The following AFG2A variants were observed in gnomAD, a reference collection of about 807,000 sequenced individuals.
AFG2A encodes ATPase family gene 2 protein homolog A.
At chr4:123,197,805 A>G in the AFG2A span, among the ~76,000 whole-genome samples, 1 of 151,596 alleles carries the variant, frequency 6.6e-6, no homozygotes, top group Non-Finnish European at 1.5e-5. Context: ...AAGCATACAT[A>G]CTTTACCTTC....
chr4:123,024,969 T>C, the AFG2A span, among the ~76,000 whole-genome samples: 7 of 152,040 alleles, frequency 4.6e-5, no homozygotes. Flanking sequence ...ACCTTTTTTC[T>C]TGGAAGGGAG....
chr4:123,209,335 G>C, the AFG2A span, among the ~76,000 whole-genome samples: 2 of 152,062 alleles, frequency 1.3e-5, no homozygotes, highest in African/African-American at 4.8e-5. Context: ...ATGATTACTT[G>C]GTAGTAGGGA....
chr4:123,089,751 A>AT, the AFG2A span, among the ~76,000 whole-genome samples: 1 of 151,596 alleles, frequency 6.6e-6, no homozygotes, highest in Non-Finnish European at 1.5e-5. Context: ...CACCTGACTA[A>AT]TTTTTTTATT....
chr4:122,969,032 T>C, the AFG2A span, among the ~76,000 whole-genome samples: 1 of 152,058 alleles, frequency 6.6e-6, no homozygotes, highest in Non-Finnish European at 1.5e-5. Context: ...TTGTTAGATA[T>C]ATGTATTTTA....
At chr4:123,108,189 G>A in the AFG2A span, among the ~76,000 whole-genome samples, 2,584 of 152,216 alleles carry the variant, frequency 0.017, 29 homozygotes, top group Non-Finnish European at 0.021. Context: ...CCCAAGTTTC[G>A]GGTCAGAAAT....
At chr4:123,100,243 A>G in the AFG2A span, among the ~76,000 whole-genome samples, 13 of 151,792 alleles carry the variant, frequency 8.6e-5, no homozygotes, top group African/African-American at 1.2e-4. Context: ...GTGTCAGACT[A>G]TTAAGAAGTT....
At chr4:123,175,092 T>G in the AFG2A span, among the ~76,000 whole-genome samples, 1 of 152,078 alleles carries the variant, frequency 6.6e-6, no homozygotes, top group Admixed American at 6.6e-5. Flanking sequence ...TTTCTAATCT[T>G]GATATGAGGA....
At chr4:123,306,390 T>C in the AFG2A span, among the ~76,000 whole-genome samples, 1 of 152,194 alleles carries the variant, frequency 6.6e-6, no homozygotes, top group African/African-American at 2.4e-5. Context: ...ATTAGTGTCA[T>C]AGCCACTGAA....
At chr4:122,978,909 C>G in the AFG2A span, among the ~76,000 whole-genome samples, 1 of 152,206 alleles carries the variant, frequency 6.6e-6, no homozygotes, top group Non-Finnish European at 1.5e-5. Flanking sequence ...GCAGTAGAAG[C>G]AGGCACTTCG....
chr4:123,019,086 T>G, the AFG2A span, among the ~76,000 whole-genome samples: 2 of 152,168 alleles, frequency 1.3e-5, no homozygotes, highest in East Asian at 3.8e-4. Context: ...AAGTATCTAG[T>G]ATTTATTAAA....
chr4:123,223,059 T>A, the AFG2A span, among the ~76,000 whole-genome samples: 2 of 152,104 alleles, frequency 1.3e-5, no homozygotes, highest in Non-Finnish European at 2.9e-5. Flanking sequence ...TACCCAGAAG[T>A]GGGATTGCTG....
At chr4:123,132,136 A>T in the AFG2A span, among the ~76,000 whole-genome samples, 1 of 152,158 alleles carries the variant, frequency 6.6e-6, no homozygotes, top group Admixed American at 6.5e-5. Context: ...ACAAACAAAA[A>T]TTGCATATCT....
At chr4:122,981,933 G>C in the AFG2A span, among the ~76,000 whole-genome samples, 2 of 151,584 alleles carry the variant, frequency 1.3e-5, no homozygotes, top group Non-Finnish European at 2.9e-5. Context: ...CTTTATATAA[G>C]ATTATGTCAT....
At chr4:122,943,411 A>G in the AFG2A span, among the ~76,000 whole-genome samples, 2 of 151,846 alleles carry the variant, frequency 1.3e-5, no homozygotes, top group African/African-American at 4.8e-5. Flanking sequence ...GTCTCTTTTG[A>G]TCTTTGTTGG....
At chr4:122,934,537 G>A in the AFG2A span, 2 of 1,614,144 alleles carry the variant, frequency 1.2e-6, no homozygotes, top group South Asian at 1.1e-5. Context: ...CAGCATAGGA[G>A]CAAAGTGCAA....
the AFG2A span, among the ~76,000 whole-genome samples, chr4:123,049,748 T>G: frequency 6.6e-6 from 1 of 152,080 alleles, no homozygotes; most frequent in South Asian, 2.1e-4. Context: ...AAAGCTTTGT[T>G]GATTTTATGG....
At chr4:123,123,738 G>C in the AFG2A span, among the ~76,000 whole-genome samples, 1 of 151,738 alleles carries the variant, frequency 6.6e-6, no homozygotes, top group Non-Finnish European at 1.5e-5. Flanking sequence ...ACGAGGTCAG[G>C]AGATCGAGAC....
chr4:122,989,972 TC>T, the AFG2A span, among the ~76,000 whole-genome samples: 13 of 152,198 alleles, frequency 8.5e-5, no homozygotes, highest in African/African-American at 2.9e-4. Flanking sequence ...TCCTCCCACC[TC>T]AGTCACCTGA....
the AFG2A span, among the ~76,000 whole-genome samples, chr4:122,968,752 T>C: frequency 2.0e-5 from 3 of 152,212 alleles, no homozygotes; most frequent in Admixed American, 6.5e-5. Context: ...AACGTTTTTG[T>C]AGTGATTTTA....
Sources: allele counts gnomAD v4.1 joint callset (sites outside exome capture counted in the v4.1 genomes callset), GRCh38; gene constraint gnomAD v4.1.1; transcripts MANE v1.5; gene names NCBI Gene and HGNC (gene_info 2026-07-23, HGNC 2026-07-21).